The following SFMBT2 variants were observed in gnomAD, a reference collection of about 807,000 sequenced individuals.
SFMBT2 encodes scm-like with four MBT domains protein 2.
Under a neutral mutation model 110.1 loss-of-function variants are expected in SFMBT2, and 38 were observed. The ratio of observed to expected loss-of-function variants is 0.35; its 90% confidence interval spans 0.27 to 0.45. The LOEUF is 0.45. SFMBT2 is among the 20% of genes least tolerant of loss of function. The pLI is 1.00. For missense variants in SFMBT2, 1,011 were observed against 1,094.9 expected (o/e 0.92, Z 1.08); for synonymous variants, 425 against 425.4 (o/e 1.00, Z 0.01).
rs1018850267 is a variant in SFMBT2 at position 7,249,165 on chromosome 10, A to T, written c.871-516T>A. The T allele has an allele frequency of 2.0e-5, 11 of 540,740 alleles. No individual in the cohort carries two copies. The African/African-American group carries it at 2.0e-4, about 10-fold the overall frequency. The allele number at this position is 540,740 out of a possible 1,614,324, so 33.5% of individuals were successfully genotyped here. ...ACGAGTAAGGGTAGGGGTACTCAAG[A>T]TCCCATGATCTTAGAGATGCCTGCA... On this transcript the variant is annotated intron_variant, in intron 7 of 20. Transcript: ENST00000397167.
intron 10 of SFMBT2, among the ~76,000 whole-genome samples, chr10:7,224,105 T>C (rs1839830433): frequency 6.6e-6 from 1 of 152,222 alleles, no homozygotes; most frequent in Non-Finnish European, 1.5e-5. Flanking sequence ...GATTTTCCCA[T>C]TTGTCTTGAG....
At chr10:7,331,765 A>C (rs1843565550) in intron 4 of SFMBT2, among the ~76,000 whole-genome samples, 1 of 152,130 alleles carries the variant, frequency 6.6e-6, no homozygotes, top group Admixed American at 6.5e-5. Context: ...GCACTTTGGG[A>C]GGCCAAGGCA....
chr10:7,372,211 C>T (rs1845082805), intron 2 of SFMBT2, among the ~76,000 whole-genome samples: 1 of 152,190 alleles, frequency 6.6e-6, no homozygotes, highest in Non-Finnish European at 1.5e-5. Context: ...AGCCGCCACG[C>T]CCGGCCTTCT....
chr10:7,220,551 GA>G lies in SFMBT2; in HGVS notation c.1204-15del. On this transcript the variant is annotated splice_polypyrimidine_tract_variant and intron_variant, in intron 10 of 20. Transcript: ENST00000397167. ...ACTGAATGATGTCTGCAAGAGAAAC[GA>G]GACCAACACTGAGCCAGTGCTGACG... 6.2e-7 allele frequency: 1 copy of G among 1,613,924 alleles called. No homozygotes were observed.
At position 7,160,580 on chromosome 10, in the gene SFMBT2, A is replaced by AGGGAAGGAATGCCCC; in HGVS notation, c.*3189_*3190insGGGGCATTCCTTCCC. On this transcript the variant is annotated 3_prime_UTR_variant, in exon 21 of 21. Coordinates refer to ENST00000397167, the MANE Select transcript of SFMBT2 (RefSeq NM_001387889.1). ...AGACGGAGAAGAAACGGTACCATCC[A>AGGGAAGGAATGCCCC]GGGAAGGAATGCGGGGCATCACTTT... is the stretch of plus-strand genomic sequence containing the variant. 1 of 152,352 alleles carries AGGGAAGGAATGCCCC rather than the reference A, an allele frequency of 6.6e-6. No homozygotes were observed. The highest frequency in any genetic ancestry group is 1.9e-4 in the East Asian group (1 of 5,182). The allele number at this position is 152,352 out of a possible 1,614,324, so 9.4% of individuals were successfully genotyped here.
chr10:7,327,180 CACA>C (rs1306772976), intron 4 of SFMBT2, among the ~76,000 whole-genome samples: 2 of 148,704 alleles, frequency 1.3e-5, no homozygotes, highest in African/African-American at 4.9e-5. Context: ...CTCTCGTATC[CACA>C]ACAACAACAA....
chr10:7,277,518 T>C (rs1841820489), intron 6 of SFMBT2: 1 of 211,346 alleles, frequency 4.7e-6, no homozygotes, highest in East Asian at 1.8e-4. Flanking sequence ...TTACCAAGTT[T>C]AATATTTACA....
intron 2 of SFMBT2, among the ~76,000 whole-genome samples, chr10:7,377,967 G>GGT (rs78553669): frequency 1.6e-5 from 2 of 122,458 alleles, no homozygotes; most frequent in Non-Finnish European, 3.4e-5. Context: ...GTGTGGGGGG[G>GGT]GGTTGTGTGT....
rs1839000597 is a variant in SFMBT2, at chr10:7,202,836, A to T, written c.1445-314T>A. ...GTACCTCACATTAGCACACATGTTC[A>T]GATCAATTGTTGCAAGCAGTTATCC... is the stretch of plus-strand genomic sequence containing the variant. On this transcript the variant is annotated intron_variant, in intron 12 of 20. Transcript: ENST00000397167. 10 of 985,450 alleles carry T rather than the reference A, an allele frequency of 1.0e-5. No individual in the cohort carries two copies. In the South Asian group the frequency reaches 3.8e-4, roughly 37 times the overall value. The allele number at this position is 985,450 out of a possible 1,614,324, so 61.0% of individuals were successfully genotyped here.
intron 4 of SFMBT2, among the ~76,000 whole-genome samples, chr10:7,286,787 G>A (rs928589422): frequency 1.2e-4 from 19 of 152,110 alleles, no homozygotes; most frequent in African/African-American, 3.4e-4. Flanking sequence ...CTCAAGGGAC[G>A]ACTGCACTGC....
At chr10:7,199,694 G>A (rs1259380389) in intron 14 of SFMBT2, among the ~76,000 whole-genome samples, 8 of 152,244 alleles carry the variant, frequency 5.3e-5, no homozygotes, top group African/African-American at 1.7e-4. Flanking sequence ...CAGGCCTGCA[G>A]AAAAACAAAA....
chr10:7,367,643 G>T lies in SFMBT2; in HGVS notation c.436+6C>A, dbSNP rs770235371. 6.2e-7 allele frequency: 1 copy of T among 1,604,976 alleles called. No individual in the cohort carries two copies. Among genetic ancestry groups the T allele is most frequent in the Admixed American group, 1.7e-5 (1 of 59,812 alleles). On this transcript the variant is annotated splice_donor_region_variant and intron_variant, in intron 4 of 20. Transcript: ENST00000397167. This position sits in a 1 kb window ranked among gnomAD's most constrained non-coding sequence, Gnocchi z 6.2. Reference sequence around the variant, plus strand: ...GTAAATCGAAGCCTTTGAAACAGGGGCTCACCGTCCGGCGGCATCAACACC... The same window carrying T: ...GTAAATCGAAGCCTTTGAAACAGGGTCTCACCGTCCGGCGGCATCAACACC...
Position 7,390,842 on chromosome 10 carries a change from G to A in SFMBT2, c.-51-8893C>T, listed in dbSNP as rs867176338. Among the ~76,000 whole-genome samples the A allele has an allele frequency of 2.0e-5, 3 of 152,350 alleles. No homozygotes were observed. In the South Asian group the frequency reaches 6.2e-4, roughly 32 times the overall value. On this transcript the variant is annotated intron_variant, in intron 1 of 20. Coordinates refer to ENST00000397167, the MANE Select transcript of SFMBT2 (RefSeq NM_001387889.1). ...AGGCCTGGTGCGTTGGCTCATGCCGGTAATCCCAGCACTTTGGGAAGCTGA... is the reference window on the plus strand; with the variant it reads ...AGGCCTGGTGCGTTGGCTCATGCCGATAATCCCAGCACTTTGGGAAGCTGA...
At chr10:7,215,775 T>A (rs1839515624) in intron 11 of SFMBT2, 11 of 977,058 alleles carry the variant, frequency 1.1e-5, no homozygotes, top group Non-Finnish European at 1.3e-5. Context: ...CCTCCTTCCC[T>A]GCTGTGTTTG....
intron 2 of SFMBT2, among the ~76,000 whole-genome samples, chr10:7,371,641 C>A (rs1357631485): frequency 1.3e-5 from 2 of 152,186 alleles, no homozygotes; most frequent in East Asian, 3.8e-4. Context: ...ATTGGCAAGG[C>A]CATGATAAGA....
chr10:7,197,487 G>T (rs1838813815), intron 15 of SFMBT2, 61 bp downstream of exon 15: 9 of 1,582,164 alleles, frequency 5.7e-6, no homozygotes, highest in Non-Finnish European at 7.8e-6. Context: ...CAGAAACTGA[G>T]CCCACAGCTT....
At chr10:7,317,889 G>T (rs575950740) in intron 4 of SFMBT2, among the ~76,000 whole-genome samples, 2 of 152,298 alleles carry the variant, frequency 1.3e-5, no homozygotes, top group South Asian at 4.1e-4. Context: ...GGATGAAAAA[G>T]ATATTTGACT....
intron 4 of SFMBT2, among the ~76,000 whole-genome samples, chr10:7,345,098 G>T (rs996103757): frequency 6.6e-6 from 1 of 151,996 alleles, no homozygotes; most frequent in Non-Finnish European, 1.5e-5. Context: ...TTCACAGAGA[G>T]ATGGAGCCAG....
In SFMBT2 at chr10:7,206,579, C is replaced by T. The variant is rs971133262; in HGVS notation, c.1331-651G>A. ...CTTTGGCTATGTCATAGAAAAGTCACTTATGTAGCAATGTCTAAAAGATCC... is the reference window on the plus strand; with the variant it reads ...CTTTGGCTATGTCATAGAAAAGTCATTTATGTAGCAATGTCTAAAAGATCC... On this transcript the variant is annotated intron_variant, in intron 11 of 20. Transcript: ENST00000397167. 27 of 985,332 alleles carry T rather than the reference C, an allele frequency of 2.7e-5. No individual in the cohort carries two copies. The African/African-American group carries it at 4.4e-4, about 16-fold the overall frequency. The allele number at this position is 985,332 out of a possible 1,614,324, so 61.0% of individuals were successfully genotyped here.
Sources: allele counts gnomAD v4.1 joint callset (sites outside exome capture counted in the v4.1 genomes callset), GRCh38; gene constraint gnomAD v4.1.1; non-coding constraint Gnocchi (gnomAD v3.1); transcripts MANE v1.5; gene names NCBI Gene and HGNC (gene_info 2026-07-23, HGNC 2026-07-21).